ICA1L: variants seen among roughly 807,000 people sequenced by gnomAD.
ICA1L encodes islet cell autoantigen 1 like.
A neutral mutation model predicts 61.3 loss-of-function variants in ICA1L; 50 were observed. That is an observed-to-expected ratio of 0.82 (90% CI 0.65 to 1.03). The LOEUF is 1.03. ICA1L is among the 50% of genes least tolerant of loss of function. The probability of loss-of-function intolerance (pLI) is 0.00; values close to 1 mark genes in which losing one functional copy is unlikely to be tolerated. For synonymous variants in ICA1L, 161 were observed against 191.3 expected (o/e 0.84, Z 1.31); for missense variants, 508 against 556.7 (o/e 0.91, Z 0.88).
At chr2:202,799,879 T>C (rs1406490017) in intron 9 of ICA1L, among the ~76,000 whole-genome samples, 1 of 126,922 alleles carries the variant, frequency 7.9e-6, no homozygotes, top group African/African-American at 2.7e-5. Flanking sequence ...TGCTTTATAC[T>C]TTTTTTTTTT....
chr2:202,834,320 A>G (rs1694090192), intron 1 of ICA1L, among the ~76,000 whole-genome samples: 1 of 152,104 alleles, frequency 6.6e-6, no homozygotes, highest in African/African-American at 2.4e-5. Context: ...TAATTTCTTC[A>G]CATTATATAA....
intron 1 of ICA1L, chr2:202,841,858 CTA>C: frequency 8.0e-6 from 2 of 249,248 alleles, no homozygotes; most frequent in South Asian, 4.7e-5. Context: ...GCTTCTTGGT[CTA>C]TTTTTTTTTT....
chr2:202,868,726 G>A (rs1687598919), intron 1 of ICA1L, among the ~76,000 whole-genome samples: 1 of 152,180 alleles, frequency 6.6e-6, no homozygotes, highest in Non-Finnish European at 1.5e-5. Flanking sequence ...CAGCAATTTG[G>A]GAGGCTGAGG....
chr2:202,783,182 C>G (rs1234351524), intron 12 of ICA1L, among the ~76,000 whole-genome samples: 1 of 152,154 alleles, frequency 6.6e-6, no homozygotes, highest in Non-Finnish European at 1.5e-5. Context: ...TTGGCAACAA[C>G]TACAGTAATA....
chr2:202,852,362 C>T (rs1248785262), intron 1 of ICA1L, among the ~76,000 whole-genome samples: 1 of 152,166 alleles, frequency 6.6e-6, no homozygotes, highest in African/African-American at 2.4e-5. Flanking sequence ...TACAGTCCCA[C>T]CAACAGTGTA....
At chr2:202,855,362 C>T (rs1694740910) in intron 1 of ICA1L, among the ~76,000 whole-genome samples, 1 of 152,072 alleles carries the variant, frequency 6.6e-6, no homozygotes, top group Admixed American at 6.6e-5. Flanking sequence ...AATCCAGGAG[C>T]TGGTTTTTTA....
intron 10 of ICA1L, among the ~76,000 whole-genome samples, chr2:202,795,998 G>C (rs934840523): frequency 6.6e-6 from 1 of 151,018 alleles, no homozygotes; most frequent in Admixed American, 6.6e-5. Context: ...AGCCAAAATC[G>C]TGCCACTGCT....
intron 9 of ICA1L, among the ~76,000 whole-genome samples, chr2:202,798,648 T>G (rs1693005205): frequency 6.6e-6 from 1 of 152,218 alleles, no homozygotes; most frequent in South Asian, 2.1e-4. Context: ...TTAGTGTGTT[T>G]GTCATCTGAG....
chr2:202,806,736 T>C (rs1207617206), intron 9 of ICA1L, among the ~76,000 whole-genome samples: 1 of 152,156 alleles, frequency 6.6e-6, no homozygotes, highest in African/African-American at 2.4e-5. Flanking sequence ...AGTTTCTCAA[T>C]ATTACCTCTA....
At chr2:202,822,203 C>T (rs773654142) in intron 3 of ICA1L, among the ~76,000 whole-genome samples, 40 of 152,126 alleles carry the variant, frequency 2.6e-4, no homozygotes, top group Non-Finnish European at 4.9e-4. Context: ...GCTTTGACAT[C>T]CAGCCTGGAG....
chr2:202,783,728 C>T (rs140268885), intron 12 of ICA1L, among the ~76,000 whole-genome samples: 1 of 152,276 alleles, frequency 6.6e-6, no homozygotes, highest in East Asian at 1.9e-4. Flanking sequence ...ATAAGATCTA[C>T]AGTAGATAAT....
intron 3 of ICA1L, 146 bp downstream of exon 3, chr2:202,825,549 C>T: frequency 7.4e-7 from 1 of 1,347,636 alleles, no homozygotes. Flanking sequence ...AATACTGGGG[C>T]CTTTGAGAAC....
chr2:202,835,455 C>G (rs1204695634), intron 1 of ICA1L, among the ~76,000 whole-genome samples: 2 of 152,000 alleles, frequency 1.3e-5, no homozygotes. Context: ...ATCCTCCCAC[C>G]TTGGCCTCCC....
chr2:202,784,419 TG>T (rs1692513173), intron 12 of ICA1L, among the ~76,000 whole-genome samples: 1 of 152,178 alleles, frequency 6.6e-6, no homozygotes, highest in African/African-American at 2.4e-5. Flanking sequence ...CACTCCAGCC[TG>T]GGCGACTCTG....
chr2:202,794,767 TAGAA>T (rs1176719518), intron 10 of ICA1L, among the ~76,000 whole-genome samples: 2 of 151,536 alleles, frequency 1.3e-5, no homozygotes, highest in Non-Finnish European at 2.9e-5. Context: ...ATAAAATACA[TAGAA>T]ATAAACAACG....
chr2:202,803,562 T>A (rs1395986767), intron 9 of ICA1L, among the ~76,000 whole-genome samples: 1 of 152,116 alleles, frequency 6.6e-6, no homozygotes, highest in Admixed American at 6.5e-5. Context: ...TGAGACAGGT[T>A]GTCACTCTGT....
In ICA1L at chr2:202,827,073, T is replaced by C. The variant is rs548753955; in HGVS notation, c.163-1306A>G. Among the ~76,000 whole-genome samples the C allele has an allele frequency of 7.4e-4, 112 of 152,310 alleles. 1 individual carries two copies. Among genetic ancestry groups the C allele is most frequent in the Admixed American group, 2.0e-3 (30 of 15,294 alleles). On this transcript the variant is annotated intron_variant, in intron 2 of 12. Transcript: ENST00000358299. ...GGATTTGGCAATTGTAAAATCTGTT[T>C]TAAATGCATATGGAAGAAGATTAGA...
intron 1 of ICA1L, among the ~76,000 whole-genome samples, chr2:202,861,390 C>T (rs184621377): frequency 1.5e-4 from 12 of 78,762 alleles, no homozygotes; most frequent in Non-Finnish European, 2.4e-4. Flanking sequence ...GGGTACACGG[C>T]GAGACTATCT....
intron 11 of ICA1L, 64 bp from the exon 12 acceptor site, chr2:202,786,071 A>C (rs1692570148): frequency 6.5e-6 from 6 of 922,066 alleles, no homozygotes; most frequent in Non-Finnish European, 1.1e-5. Context: ...CAGAAAAACA[A>C]GAAAAGGTAA....
Sources: allele counts gnomAD v4.1 joint callset (sites outside exome capture counted in the v4.1 genomes callset), GRCh38; gene constraint gnomAD v4.1.1; transcripts MANE v1.5; gene names NCBI Gene and HGNC (gene_info 2026-07-23, HGNC 2026-07-21).